NHSL1: variants seen among roughly 807,000 people sequenced by gnomAD.
NHSL1 encodes NHS-like protein 1.
NHSL1 carries 48 observed loss-of-function variants against 95.0 expected under a neutral mutation model. That is an observed-to-expected ratio of 0.51 (90% CI 0.40 to 0.64). NHSL1 has a LOEUF of 0.64. NHSL1 is among the 30% of genes least tolerant of loss of function. The pLI, the probability that NHSL1 is intolerant of heterozygous loss-of-function variation, is 0.00. For synonymous variants in NHSL1, 783 were observed against 833.9 expected (o/e 0.94, Z 1.05); for missense variants, 1,971 against 2,077.7 (o/e 0.95, Z 1.00).
rs1032081982 is a variant in NHSL1, at chr6:138,433,766, T to TA, written c.665-87dup. 4.3e-5 allele frequency: 59 copies of TA among 1,386,276 alleles called. No homozygotes were observed. The Admixed American group carries it at 1.2e-3, about 28-fold the overall frequency. The allele number at this position is 1,386,276 out of a possible 1,614,324, so 85.9% of individuals were successfully genotyped here. The stretch of plus-strand genomic sequence containing the variant: ...TACCCTCACCCCTCTGACAGAATTT[T>TA]AAAAAAATTTTTCTATTTGATTTAA... On this transcript the variant is annotated intron_variant, in intron 5 of 7. Transcript: ENST00000343505.
At chr6:138,624,052 A>T (rs535080537) in intron 1 of NHSL1, among the ~76,000 whole-genome samples, 13 of 152,272 alleles carry the variant, frequency 8.5e-5, no homozygotes, top group African/African-American at 3.1e-4. Flanking sequence ...TCTTTCCTTT[A>T]TAAATTACCT....
intron 1 of NHSL1, 79 bp from the exon 2 acceptor site, chr6:138,496,450 G>T: frequency 7.2e-7 from 1 of 1,391,018 alleles, no homozygotes; most frequent in Non-Finnish European, 1.0e-6. Context: ...GTGTTTCCAT[G>T]TCTAACACAT....
intron 5 of NHSL1, among the ~76,000 whole-genome samples, chr6:138,436,092 T>A (rs1027902942): frequency 6.6e-6 from 1 of 152,056 alleles, no homozygotes; most frequent in African/African-American, 2.4e-5. Flanking sequence ...TGAAATTAGG[T>A]CAATTAATAA....
chr6:138,630,438 T>C (rs1422613110), intron 1 of NHSL1, among the ~76,000 whole-genome samples: 1 of 152,104 alleles, frequency 6.6e-6, no homozygotes, highest in African/African-American at 2.4e-5. Context: ...TATTGCCCAG[T>C]CTAGAGTGCC....
upstream of NHSL1, among the ~76,000 whole-genome samples, chr6:138,501,079 C>CAA (rs1780649155): frequency 6.6e-6 from 1 of 152,190 alleles, no homozygotes; most frequent in Admixed American, 6.5e-5. Flanking sequence ...GGCAAAAACA[C>CAA]TCATATGCAC....
At chr6:138,691,443 T>C (rs879473497) in intron 1 of NHSL1, among the ~76,000 whole-genome samples, 17 of 152,360 alleles carry the variant, frequency 1.1e-4, no homozygotes, top group African/African-American at 4.1e-4. Flanking sequence ...AGTTAAAATA[T>C]AGCTAAGTTT....
rs117452083 is a variant in NHSL1 at position 138,485,099 on chromosome 6, C to T, written c.211+11120G>A. On this transcript the variant is annotated intron_variant, in intron 2 of 7. Transcript: ENST00000343505. ...TCATTTCACTTTAGAATTAAAAAGC[C>T]GTATCATTGGCAGCAGAGGAGCATC... 2.2e-3 allele frequency among the ~76,000 whole-genome samples: 338 copies of T among 152,210 alleles called. 4 individuals carry two copies. The highest frequency in any genetic ancestry group is 1.9e-3 in the Non-Finnish European group (131 of 68,020).
chr6:138,666,574 G>A lies in NHSL1; in HGVS notation c.96+25902C>T, dbSNP rs187907250. On this transcript the variant is annotated intron_variant, in intron 1 of 3. Transcript: ENST00000491526. ...ACCACTGCATTTCAGCCTAGACACAGAGCAAGCCTCCATCTCAAAAAAAAA... is the reference window on the plus strand; with the variant it reads ...ACCACTGCATTTCAGCCTAGACACAAAGCAAGCCTCCATCTCAAAAAAAAA... Among the ~76,000 whole-genome samples, 243 of 114,944 alleles carry A rather than the reference G, an allele frequency of 2.1e-3. 3 individuals carry two copies. The highest frequency in any genetic ancestry group is 0.018 in the East Asian group (70 of 3,806). The allele number at this position is 114,944 out of a possible 152,430, so 75.4% of individuals were successfully genotyped here.
intron 1 of NHSL1, among the ~76,000 whole-genome samples, chr6:138,644,364 G>A (rs1034904522): frequency 1.3e-5 from 2 of 151,978 alleles, no homozygotes. Flanking sequence ...AGCCAAGCGT[G>A]GTGGTGCATA....
intron 1 of NHSL1, among the ~76,000 whole-genome samples, chr6:138,527,987 T>G (rs992600904): frequency 2.0e-5 from 3 of 152,230 alleles, no homozygotes; most frequent in African/African-American, 7.2e-5. Flanking sequence ...TGCCAGACTT[T>G]TCTTTTCATT....
chr6:138,435,908 T>C (rs1206559985), intron 5 of NHSL1, among the ~76,000 whole-genome samples: 1 of 152,132 alleles, frequency 6.6e-6, no homozygotes, highest in Non-Finnish European at 1.5e-5. Flanking sequence ...CTGTGACCAG[T>C]GATCTTTGAT....
intron 2 of NHSL1, among the ~76,000 whole-genome samples, chr6:138,493,985 G>A (rs1236885728): frequency 2.0e-5 from 3 of 152,132 alleles, no homozygotes; most frequent in Non-Finnish European, 2.9e-5. Flanking sequence ...CCTCACTTCT[G>A]GATAGTCCAA....
intron 1 of NHSL1, among the ~76,000 whole-genome samples, chr6:138,620,744 C>A (rs971744067): frequency 1.3e-5 from 2 of 152,172 alleles, no homozygotes; most frequent in Admixed American, 1.3e-4. Context: ...AATAATACTT[C>A]TAACTGTGCC....
chr6:138,564,492 C>T (rs866362359), intron 1 of NHSL1, among the ~76,000 whole-genome samples: 3 of 152,182 alleles, frequency 2.0e-5, no homozygotes, highest in Middle Eastern at 6.8e-3. Context: ...ATGGTGAAAC[C>T]CGTCTCTACT....
At chr6:138,440,777 C>A (rs1776477784) in intron 5 of NHSL1, among the ~76,000 whole-genome samples, 1 of 152,220 alleles carries the variant, frequency 6.6e-6, no homozygotes, top group Non-Finnish European at 1.5e-5. Context: ...GACATACAAC[C>A]TCAAGGTGCT....
chr6:138,605,076 C>T (rs2114574403), intron 1 of NHSL1, among the ~76,000 whole-genome samples: 1 of 152,244 alleles, frequency 6.6e-6, no homozygotes, highest in South Asian at 2.1e-4. Flanking sequence ...GAGATTGGTA[C>T]ACTCCTCACT....
intron 1 of NHSL1, among the ~76,000 whole-genome samples, chr6:138,670,052 T>C (rs1275430602): frequency 2.0e-5 from 3 of 151,398 alleles, no homozygotes; most frequent in Non-Finnish European, 2.9e-5. Flanking sequence ...ACCCAGGAGG[T>C]GGAGGTTGCA....
chr6:138,658,553 T>C (rs1390098862), intron 1 of NHSL1, among the ~76,000 whole-genome samples: 2 of 152,236 alleles, frequency 1.3e-5, no homozygotes, highest in African/African-American at 4.8e-5. Context: ...TAATATTCCA[T>C]TGTAAATAAA....
chr6:138,494,381 T>C (rs1471824381), intron 2 of NHSL1, among the ~76,000 whole-genome samples: 1 of 152,242 alleles, frequency 6.6e-6, no homozygotes, highest in Non-Finnish European at 1.5e-5. Flanking sequence ...GTTTAAATCC[T>C]GGTCCTACTG....
Sources: allele counts gnomAD v4.1 joint callset (sites outside exome capture counted in the v4.1 genomes callset), GRCh38; gene constraint gnomAD v4.1.1; transcripts MANE v1.5; gene names NCBI Gene and HGNC (gene_info 2026-07-23, HGNC 2026-07-21).